EBF3: variants seen among roughly 807,000 people sequenced by gnomAD.
EBF3 encodes the protein EBF transcription factor 3.
In EBF3, 18 loss-of-function variants were observed where a neutral mutation model predicts 77.1. The observed-to-expected ratio is 0.23, with a 90% CI of 0.16 to 0.35. The LOEUF (loss-of-function observed/expected upper bound fraction) is 0.35, where lower values mean the gene tolerates loss of function less well. Ranked by LOEUF, EBF3 falls within the 10% of genes least tolerant of loss-of-function variation. EBF3 has a pLI of 1.00. For synonymous variants in EBF3, 350 were observed against 343.5 expected (o/e 1.02, Z -0.21); for missense variants, 558 against 860.0 (o/e 0.65, Z 4.39).
Position 129,840,980 on chromosome 10 carries a change from G to A in EBF3, c.1425C>T (p.Ser475=). ...TGTAATTGGACTGCTGGGGAGTACT[G>A]CTGGGGACGTAGCCTCGCGGGGACA... ...SSVSPRGYVP[S]STPQQSNYNT... is the part of the protein sequence containing the mutation. Residue 475 remains serine, a synonymous_variant, in exon 14 of 17, where the codon AGC becomes AGT. Coordinates refer to ENST00000440978, the MANE Select transcript of EBF3 (RefSeq NM_001375380.1). 6.2e-7 allele frequency: 1 copy of A among 1,613,906 alleles called. No individual in the cohort carries two copies. Among genetic ancestry groups the A allele is most frequent in the Non-Finnish European group, 8.5e-7 (1 of 1,179,966 alleles).
intron 6 of EBF3, among the ~76,000 whole-genome samples, chr10:129,951,373 G>A (rs776179555): frequency 8.5e-5 from 13 of 152,178 alleles, no homozygotes; most frequent in Non-Finnish European, 1.3e-4. Flanking sequence ...GATGCTTTCC[G>A]TCAACATGCC....
chr10:129,958,719 G>C (rs1859231081), intron 5 of EBF3, among the ~76,000 whole-genome samples: 1 of 152,136 alleles, frequency 6.6e-6, no homozygotes, highest in Non-Finnish European at 1.5e-5. Flanking sequence ...ATATTAATCC[G>C]CTCTGCTGAG....
At chr10:129,867,748 A>G in intron 9 of EBF3, 34 bp downstream of exon 9, 1 of 1,611,444 alleles carries the variant, frequency 6.2e-7, no homozygotes, top group Non-Finnish European at 8.5e-7. Context: ...TGAAGACAGC[A>G]ACAGCGCGAA....
chr10:129,896,109 C>T (rs566201249), intron 6 of EBF3, among the ~76,000 whole-genome samples: 2 of 138,276 alleles, frequency 1.4e-5, no homozygotes, highest in South Asian at 4.3e-4. Context: ...CAGAAAAACA[C>T]AGGACATGAT....
intron 6 of EBF3, among the ~76,000 whole-genome samples, chr10:129,911,312 T>G (rs924900054): frequency 1.3e-5 from 2 of 152,218 alleles, no homozygotes; most frequent in Non-Finnish European, 2.9e-5. Flanking sequence ...CACAGCCAGC[T>G]GGATAGAAGC....
intron 10 of EBF3, among the ~76,000 whole-genome samples, chr10:129,852,918 A>T (rs574324551): frequency 2.2e-4 from 33 of 152,196 alleles, no homozygotes; most frequent in Non-Finnish European, 4.4e-4. Context: ...AGCAGCCGAG[A>T]GCAGAGGGAA....
chr10:129,904,701 AG>A (rs961463683), intron 6 of EBF3, among the ~76,000 whole-genome samples: 5 of 151,614 alleles, frequency 3.3e-5, no homozygotes, highest in African/African-American at 7.3e-5. Flanking sequence ...ACAAATATAT[AG>A]ACACAGACAT....
rs995578054 is a variant in EBF3, at chr10:129,952,796, AAAAAATATAATGAGTGT to A, written c.554+4445_554+4461del. On this transcript the variant is annotated intron_variant, in intron 6 of 16. Coordinates refer to ENST00000440978, the MANE Select transcript of EBF3 (RefSeq NM_001375380.1). The surrounding 1 kb of genome is among the most constrained non-coding windows in gnomAD (Gnocchi z 4.7). ...ATAATCGTTTGGAAATATAGCTAAT[AAAAAATATAATGAGTGT>A]TCAGCAAAATCGGCATTAGGCCCAA... 6.6e-6 allele frequency among the ~76,000 whole-genome samples: 1 copy of A among 152,202 alleles called. No individual in the cohort carries two copies. The highest frequency in any genetic ancestry group is 2.4e-5 in the African/African-American group (1 of 41,446).
intron 6 of EBF3, among the ~76,000 whole-genome samples, chr10:129,916,088 C>A (rs753191357): frequency 6.6e-6 from 1 of 152,222 alleles, no homozygotes; most frequent in Non-Finnish European, 1.5e-5. Context: ...CTGGGACATG[C>A]CCCTCCAGCC....
intron 6 of EBF3, among the ~76,000 whole-genome samples, chr10:129,891,916 C>T (rs539359645): frequency 6.6e-6 from 1 of 152,224 alleles, no homozygotes; most frequent in African/African-American, 2.4e-5. Flanking sequence ...TCACTCTCCC[C>T]CAATTATCCG....
At position 129,837,878 on chromosome 10, in the gene EBF3, CTGAAGTCCGTCCTT is replaced by C; in HGVS notation, c.*51_*64del. The C allele has an allele frequency of 6.2e-7, 1 of 1,613,126 alleles. No individual in the cohort carries two copies. The highest frequency in any genetic ancestry group is 8.5e-7 in the Non-Finnish European group (1 of 1,179,174). On this transcript the variant is annotated 3_prime_UTR_variant, in exon 17 of 17. Coordinates refer to ENST00000440978, the MANE Select transcript of EBF3 (RefSeq NM_001375380.1). ...TGTCTTAATATACTAAACGTGTCCC[CTGAAGTCCGTCCTT>C]TGATGCTGGGTGCTGCGGAAGGTAA...
chr10:129,904,195 G>A (rs1187618621), intron 6 of EBF3, among the ~76,000 whole-genome samples: 1 of 152,110 alleles, frequency 6.6e-6, no homozygotes, highest in Non-Finnish European at 1.5e-5. Flanking sequence ...GGACCCCAAA[G>A]CCTCCAGGGT....
intron 10 of EBF3, among the ~76,000 whole-genome samples, chr10:129,862,854 T>C (rs1158054399): frequency 6.6e-6 from 1 of 152,232 alleles, no homozygotes; most frequent in Admixed American, 6.5e-5. Flanking sequence ...ATTTGATGCG[T>C]TTCTACGGGT....
rs1291482963 is a variant in EBF3, at chr10:129,963,584, C to CGGGCCGGGCCG, written c.134+40_134+50dup. On this transcript the variant is annotated intron_variant, in intron 1 of 16. Coordinates refer to ENST00000440978, the MANE Select transcript of EBF3 (RefSeq NM_001375380.1). The surrounding 1 kb of genome is among the most constrained non-coding windows in gnomAD (Gnocchi z 7.1). The stretch of plus-strand genomic sequence containing the variant: ...CGCGGCGCCGGCCGGCGGAGGGGGC[C>CGGGCCGGGCCG]GGGCCGGGCCGGGGCCGGGGCCAGG... 1.1e-5 allele frequency: 14 copies of CGGGCCGGGCCG among 1,235,548 alleles called. No homozygotes were observed. Among genetic ancestry groups the CGGGCCGGGCCG allele is most frequent in the Middle Eastern group, 3.2e-4 (1 of 3,164 alleles). 76.5% of individuals were successfully genotyped at this position (1,235,548 alleles called of 1,614,324 possible). A position where few individuals can be genotyped will look rare whatever the true frequency, so the allele number is the denominator to read the frequency against.
At chr10:129,847,304 A>G (rs989994409) in intron 11 of EBF3, among the ~76,000 whole-genome samples, 1 of 152,142 alleles carries the variant, frequency 6.6e-6, no homozygotes, top group African/African-American at 2.4e-5. Context: ...CCCTAGATGG[A>G]GGCTGGCAGC....
intron 16 of EBF3, among the ~76,000 whole-genome samples, chr10:129,838,709 T>C (rs925489974): frequency 1.3e-5 from 2 of 152,238 alleles, no homozygotes; most frequent in Admixed American, 1.3e-4. Flanking sequence ...ACCGCTGGTG[T>C]TGTTTAATTT....
Position 129,923,262 on chromosome 10 carries a change from T to C in EBF3, c.554+33996A>G, listed in dbSNP as rs77759616. On this transcript the variant is annotated intron_variant, in intron 6 of 16. Coordinates refer to ENST00000440978, the MANE Select transcript of EBF3 (RefSeq NM_001375380.1). ...GAATCATTTTGCAATAGAAAAAGTG[T>C]GATGCCCTCCTCAGGTCTAATTACT... 5.9e-3 allele frequency among the ~76,000 whole-genome samples: 900 copies of C among 152,292 alleles called. 11 individuals are homozygous for C. The highest frequency in any genetic ancestry group is 0.021 in the African/African-American group (855 of 41,554).
chr10:129,962,097 T>TGC, intron 4 of EBF3, 74 bp downstream of exon 4: 1 of 1,412,916 alleles, frequency 7.1e-7, no homozygotes, highest in Non-Finnish European at 1.0e-6. Flanking sequence ...CATTTGTCAG[T>TGC]GCCCTTGCCT....
intron 5 of EBF3, 62 bp from the exon 6 acceptor site, chr10:129,957,388 ATTT>A: frequency 1.1e-5 from 13 of 1,162,286 alleles, no homozygotes; most frequent in Admixed American, 5.0e-5. Flanking sequence ...CCCGACTTGT[ATTT>A]TTTTTTTTTT....
Sources: allele counts gnomAD v4.1 joint callset (sites outside exome capture counted in the v4.1 genomes callset), GRCh38; gene constraint gnomAD v4.1.1; non-coding constraint Gnocchi (gnomAD v3.1); transcripts MANE v1.5; gene names NCBI Gene and HGNC (gene_info 2026-07-23, HGNC 2026-07-21).